The following ABCA9 variants were observed in gnomAD, a reference collection of about 807,000 sequenced individuals.
ABCA9 encodes the protein ATP-binding cassette sub-family A member 9.
A neutral mutation model predicts 205.3 loss-of-function variants in ABCA9; 183 were observed. That is an observed-to-expected ratio of 0.89 (90% CI 0.79 to 1.01). ABCA9 has a LOEUF of 1.01. ABCA9 is among the 50% of genes least tolerant of loss of function. The pLI, the probability that ABCA9 is intolerant of heterozygous loss-of-function variation, is 0.00. For missense variants in ABCA9, 1,805 were observed against 1,912.4 expected, an observed-to-expected ratio of 0.94 and a Z score of 1.05; for synonymous variants, 651 against 683.3, an observed-to-expected ratio of 0.95 and a Z score of 0.74.
At chr17:68,992,813 C>CAAAA in intron 27 of ABCA9, 1 of 295,342 alleles carries the variant, frequency 3.4e-6, no homozygotes, top group Non-Finnish European at 5.9e-6. Context: ...AACTCTGTCT[C>CAAAA]AAAAAAAAAA....
rs935739030 is a variant in ABCA9, at chr17:69,016,239, A to C, written c.3039+14T>G. On this transcript the variant is annotated intron_variant, in intron 22 of 38. Transcript: ENST00000340001. The stretch of plus-strand genomic sequence containing the variant: ...TATCATGGCACAGTATAAATGAGAT[A>C]TAATTATACTTACTTCAAAAAATGT... The C allele has an allele frequency of 3.9e-6, 6 of 1,550,572 alleles. No individual in the cohort carries two copies. The Admixed American group carries it at 1.3e-4, about 34-fold the overall frequency.
rs569627666 is a variant in ABCA9, at chr17:69,005,831, G to A, written c.3435+1928C>T. Among the ~76,000 whole-genome samples, 3 of 152,218 alleles carry A rather than the reference G, an allele frequency of 2.0e-5. No individual in the cohort carries two copies. In the East Asian group the frequency reaches 5.8e-4, roughly 29 times the overall value. On this transcript the variant is annotated intron_variant, in intron 25 of 38. Coordinates refer to ENST00000340001, the MANE Select transcript of ABCA9 (RefSeq NM_080283.4). ...GGATCTTTGGAGAGGATTGTGTGAT[G>A]TATTTTGCTGTTGTGTATTATTTGC...
intron 3 of ABCA9, among the ~76,000 whole-genome samples, chr17:69,047,127 A>G (rs1413320378): frequency 6.6e-6 from 1 of 150,798 alleles, no homozygotes; most frequent in African/African-American, 2.4e-5. Flanking sequence ...ACACCCAGCT[A>G]ATTTTTGTAT....
chr17:69,027,046 C>A lies in ABCA9; in HGVS notation c.1980G>T (p.Leu660=). The A allele has an allele frequency of 6.2e-7, 1 of 1,614,152 alleles. No individual in the cohort carries two copies. The highest frequency in any genetic ancestry group is 8.5e-7 in the Non-Finnish European group (1 of 1,180,004). ...TTACTCTGTCTGATTTCCCCTCTTT[C>A]AGGAGATTCCATATTCGGTGCCTTG... The part of the protein sequence containing the change: ...PLSRHRIWNL[L]KEGKSDRVIL... Residue 660 remains leucine (L), a synonymous_variant, in exon 15 of 39, where the codon CTG becomes CTT. Coordinates refer to ENST00000340001, the MANE Select transcript of ABCA9 (RefSeq NM_080283.4).
intron 25 of ABCA9, among the ~76,000 whole-genome samples, chr17:68,996,255 G>T (rs1239412159): frequency 6.6e-6 from 1 of 152,092 alleles, no homozygotes; most frequent in Non-Finnish European, 1.5e-5. Flanking sequence ...TACAAATCAG[G>T]TGAGACTCTT....
At position 68,983,754 on chromosome 17, in the gene ABCA9, T is replaced by C. The variant is rs1432368058; in HGVS notation, c.4595A>G (p.His1532Arg). The change falls in exon 36 of 39, where the codon CAT becomes CGT. Residue 1532 changes from histidine to arginine, a missense_variant. Coordinates refer to ENST00000340001, the MANE Select transcript of ABCA9 (RefSeq NM_080283.4). Reference protein sequence around the residue: ...LKNLAQMEPLHAEILRLFPQA... With the variant: ...LKNLAQMEPLRAEILRLFPQA... ...GGGGAAAAGCCTCAGGATCTCTGCA[T>C]GGAGGGGCTCCATTTGTGCCAGGTT... is the stretch of plus-strand genomic sequence containing the variant. 3 of 1,614,106 alleles carry C rather than the reference T, an allele frequency of 1.9e-6. No individual in the cohort carries two copies. The highest frequency in any genetic ancestry group is 2.7e-5 in the African/African-American group (2 of 74,950).
chr17:68,989,984 G>A (rs1439569359), intron 29 of ABCA9, 54 bp from the exon 30 acceptor site: 32 of 1,216,044 alleles, frequency 2.6e-5, no homozygotes, highest in Non-Finnish European at 3.7e-5. Flanking sequence ...GAACTGAGAG[G>A]GTGTTCCACA....
At chr17:68,978,620 C>T (rs2068953843) in intron 37 of ABCA9, among the ~76,000 whole-genome samples, 1 of 152,080 alleles carries the variant, frequency 6.6e-6, no homozygotes, top group Non-Finnish European at 1.5e-5. Flanking sequence ...TGTTCCTTTC[C>T]ATGTTTAGTG....
At chr17:68,990,814 C>T (rs924783164) in intron 29 of ABCA9, 23 bp downstream of exon 29, 18 of 1,595,108 alleles carry the variant, frequency 1.1e-5, no homozygotes, top group Admixed American at 1.9e-5. Flanking sequence ...AAATAGTTGA[C>T]GAAGAACATT....
At chr17:69,042,115 G>A (rs1326552660) in intron 6 of ABCA9, among the ~76,000 whole-genome samples, 1 of 152,038 alleles carries the variant, frequency 6.6e-6, no homozygotes, top group African/African-American at 2.4e-5. Context: ...GCATCACTTG[G>A]CTAAACTCTT....
Position 69,033,303 on chromosome 17 carries a change from C to CA in ABCA9, c.1276+422dup, listed in dbSNP as rs374917872. On this transcript the variant is annotated intron_variant, in intron 9 of 38. Transcript: ENST00000340001. ...GCATGGGTGACAGAGCGAGACTTCTCAAAAAAAAAAAAAAAAAAAGGAAAG... is the reference window on the plus strand; with the variant it reads ...GCATGGGTGACAGAGCGAGACTTCTCAAAAAAAAAAAAAAAAAAAAGGAAAG... The CA allele has an allele frequency of 5.6e-3, 484 of 86,778 alleles. 13 individuals carry two copies. The highest frequency in any genetic ancestry group is 0.019 in the African/African-American group (422 of 22,212). 5.4% of individuals were successfully genotyped at this position (86,778 alleles called of 1,614,324 possible).
At chr17:68,989,139 C>A in intron 30 of ABCA9, 21 bp from the exon 31 acceptor site, 1 of 1,452,570 alleles carries the variant, frequency 6.9e-7, no homozygotes, top group East Asian at 2.3e-5. Flanking sequence ...GTGGTATGCT[C>A]AGAAATATAC....
intron 11 of ABCA9, 146 bp from the exon 12 acceptor site, chr17:69,028,791 T>A: frequency 2.1e-6 from 1 of 477,966 alleles, no homozygotes; most frequent in Admixed American, 3.9e-5. Context: ...CTTTTAAAAC[T>A]GTATTTCAAC....
rs117394684 is a variant in ABCA9 at position 68,992,965 on chromosome 17, C to T, written c.3624+51G>A. The T allele has an allele frequency of 8.6e-3, 12,391 of 1,444,568 alleles. 81 individuals are homozygous for T. The highest frequency in any genetic ancestry group is 0.011 in the Non-Finnish European group (10,904 of 1,036,652). The allele number at this position is 1,444,568 out of a possible 1,614,324, so 89.5% of individuals were successfully genotyped here. On this transcript the variant is annotated intron_variant, in intron 27 of 38. Transcript: ENST00000340001. ...GCAATTCAGAGAAACTCAAAACATACAAAAGTTGTGTTCCCTCATGCAAGA... is the reference window on the plus strand; with the variant it reads ...GCAATTCAGAGAAACTCAAAACATATAAAAGTTGTGTTCCCTCATGCAAGA...
intron 23 of ABCA9, among the ~76,000 whole-genome samples, chr17:69,010,340 A>C (rs1220477366): frequency 6.6e-6 from 1 of 152,144 alleles, no homozygotes; most frequent in Non-Finnish European, 1.5e-5. Flanking sequence ...AATTACAAAA[A>C]AGCCAGCTGT....
At position 69,008,054 on chromosome 17, in the gene ABCA9, C is replaced by T. The variant is rs1444077967; in HGVS notation, c.3321+8G>A. On this transcript the variant is annotated splice_region_variant and intron_variant, in intron 24 of 38. Coordinates refer to ENST00000340001, the MANE Select transcript of ABCA9 (RefSeq NM_080283.4). ...TAATAAAACCATTTCAAAATTGCTG[C>T]CACTTACTTGAATTAACAGGTTTTG... The T allele has an allele frequency of 1.3e-6, 2 of 1,595,582 alleles. No homozygotes were observed. The highest frequency in any genetic ancestry group is 1.7e-6 in the Non-Finnish European group (2 of 1,168,780).
intron 1 of ABCA9, among the ~76,000 whole-genome samples, chr17:69,057,991 G>A (rs371227594): frequency 2.0e-5 from 3 of 152,262 alleles, no homozygotes; most frequent in African/African-American, 7.2e-5. Context: ...TTTACATAAT[G>A]GTGTCGTATA....
chr17:69,058,850 A>AG (rs1168548838), intron 1 of ABCA9, among the ~76,000 whole-genome samples: 1 of 151,210 alleles, frequency 6.6e-6, no homozygotes, highest in East Asian at 1.9e-4. Flanking sequence ...AAAAAAAAAA[A>AG]GACATACCTG....
chr17:69,037,646 A>G (rs2071389827), intron 6 of ABCA9, among the ~76,000 whole-genome samples: 2 of 152,146 alleles, frequency 1.3e-5, no homozygotes, highest in Non-Finnish European at 2.9e-5. Context: ...TAACATCACA[A>G]TTAAAAGAAC....
Sources: gnomAD v4.1 joint callset for allele counts (sites outside exome capture counted in the v4.1 genomes callset) on GRCh38, gnomAD v4.1.1 for gene constraint, MANE v1.5 for transcripts, NCBI Gene and HGNC (gene_info 2026-07-23, HGNC 2026-07-21) for gene names.